PARPBP: variants seen among roughly 807,000 people sequenced by gnomAD.
The protein encoded by PARPBP is PARP1 binding protein, also known as PCNA-interacting partner.
In PARPBP, 52 loss-of-function variants were observed where a neutral mutation model predicts 50.0. That is an observed-to-expected ratio of 1.04 (90% CI 0.83 to 1.31). The LOEUF (loss-of-function observed/expected upper bound fraction) is 1.31. PARPBP is among the 50% of genes most tolerant of loss of function. PARPBP has a pLI of 0.00. For synonymous variants in PARPBP, 244 were observed against 232.1 expected, an observed-to-expected ratio of 1.05 and a Z score of -0.47; for missense variants, 697 against 672.0, an observed-to-expected ratio of 1.04 and a Z score of -0.41.
In PARPBP at chr12:102,175,543, C is replaced by G; in HGVS notation, c.882C>G (p.Ser294Arg). 6.2e-7 allele frequency: 1 copy of G among 1,613,336 alleles called. No homozygotes were observed. The highest frequency in any genetic ancestry group is 8.5e-7 in the Non-Finnish European group (1 of 1,179,348). ...IKMQLIKGQN[S>R]RDPFCKAIEE... ...TGCAACTGATTAAAGGCCAAAACAG[C>G]AGGGATCCTTTTTGCAAAGCAATAG... The change falls in exon 7 of 11, where the codon AGC becomes AGG. Residue 294 changes from serine (S) to arginine (R), a missense_variant. Ser to Arg is a moderately radical substitution (Grantham distance 110). Transcript: ENST00000327680.
At chr12:102,193,548 A>G (rs1290244794) in intron 9 of PARPBP, among the ~76,000 whole-genome samples, 1 of 152,046 alleles carries the variant, frequency 6.6e-6, no homozygotes, top group African/African-American at 2.4e-5. Flanking sequence ...ATAATTCTCT[A>G]TAAGCCATAA....
chr12:102,170,905 CTTTTTTTT>C (rs56390964), intron 6 of PARPBP, among the ~76,000 whole-genome samples: 2 of 113,312 alleles, frequency 1.8e-5, no homozygotes, highest in African/African-American at 6.5e-5. Context: ...TTTAATTTTT[CTTTTTTTT>C]TTTTTTTTTT....
At chr12:102,191,657 C>G (rs945563248) in intron 9 of PARPBP, among the ~76,000 whole-genome samples, 61 of 152,118 alleles carry the variant, frequency 4.0e-4, no homozygotes, top group African/African-American at 1.4e-3. Flanking sequence ...TTTCCTCAAA[C>G]TGGGAACTTA....
intron 2 of PARPBP, among the ~76,000 whole-genome samples, chr12:102,129,270 C>T (rs7971186): frequency 0.095 from 14,398 of 152,158 alleles, 759 homozygotes; most frequent in African/African-American, 0.11. Flanking sequence ...TGTGGGCATA[C>T]GCCACTGCAT....
intron 6 of PARPBP, among the ~76,000 whole-genome samples, chr12:102,174,891 CTT>C (rs1474440680): frequency 6.6e-6 from 1 of 152,216 alleles, no homozygotes; most frequent in Non-Finnish European, 1.5e-5. Flanking sequence ...TCATTACTAA[CTT>C]GCTTAGTTTC....
chr12:102,137,459 G>A (rs868069874), intron 2 of PARPBP, among the ~76,000 whole-genome samples: 1 of 151,906 alleles, frequency 6.6e-6, no homozygotes, highest in South Asian at 2.1e-4. Context: ...TTTTGAGGGG[G>A]AAAATTTTTT....
chr12:102,178,622 G>A lies in PARPBP; in HGVS notation c.1036G>A (p.Ala346Thr). 1 of 1,611,752 alleles carries A rather than the reference G, an allele frequency of 6.2e-7. No individual in the cohort carries two copies. The highest frequency in any genetic ancestry group is 1.3e-5 in the African/African-American group (1 of 74,908). ...ATCTCATGCCATAAACCATGGTACT[G>A]CATACTGTGGCAGAGATACTGTGAA... ...PKSHAINHGT[A>T]YCGRDTVKAL... Residue 346 changes from alanine (A) to threonine (T), a missense_variant, in exon 8 of 11, where the codon GCA becomes ACA. Coordinates refer to ENST00000327680, the MANE Select transcript of PARPBP (RefSeq NM_017915.5).
chr12:102,182,395 T>C (rs1889910610), intron 8 of PARPBP, among the ~76,000 whole-genome samples, 154 bp from the exon 9 acceptor site: 1 of 152,158 alleles, frequency 6.6e-6, no homozygotes, highest in African/African-American at 2.4e-5. Flanking sequence ...TTAATGGTAT[T>C]TTTAATTTAT....
chr12:102,143,305 C>T lies in PARPBP; in HGVS notation c.154-4925C>T, dbSNP rs535057752. On this transcript the variant is annotated intron_variant, in intron 2 of 10. Coordinates refer to ENST00000327680, the MANE Select transcript of PARPBP (RefSeq NM_017915.5). ...TTAGCAAGGAGCAGGATATAATCTG[C>T]TGGTGTGCCGTTTGCTAAGACCATT... 3.3e-5 allele frequency among the ~76,000 whole-genome samples: 5 copies of T among 152,322 alleles called. No individual in the cohort carries two copies. The South Asian group carries it at 8.3e-4, about 25-fold the overall frequency.
rs762337148 is a variant in PARPBP, at chr12:102,197,116, A to G, written c.*825A>G. On this transcript the variant is annotated 3_prime_UTR_variant, in exon 11 of 11. Coordinates refer to ENST00000327680, the MANE Select transcript of PARPBP (RefSeq NM_017915.5). ...TCCTTTTAGTGCAAGATAAGGTTTTATAGCCAGATTCAGTGGCAGACCATG... is the reference window on the plus strand; with the variant it reads ...TCCTTTTAGTGCAAGATAAGGTTTTGTAGCCAGATTCAGTGGCAGACCATG... 5 of 1,612,332 alleles carry G rather than the reference A, an allele frequency of 3.1e-6. No individual in the cohort carries two copies. The South Asian group carries it at 4.4e-5, about 14-fold the overall frequency.
chr12:102,149,948 T>C (rs1402820106), intron 3 of PARPBP, among the ~76,000 whole-genome samples: 2 of 152,250 alleles, frequency 1.3e-5, no homozygotes, highest in African/African-American at 2.4e-5. Context: ...TACTGGATTG[T>C]AGGACAACAA....
intron 9 of PARPBP, among the ~76,000 whole-genome samples, chr12:102,185,285 G>A (rs1011186912): frequency 2.0e-5 from 3 of 152,142 alleles, no homozygotes; most frequent in African/African-American, 7.2e-5. Flanking sequence ...CAGTTGAAAG[G>A]ATCATATGAT....
At chr12:102,129,090 G>A (rs1482704211) in intron 2 of PARPBP, among the ~76,000 whole-genome samples, 2 of 152,050 alleles carry the variant, frequency 1.3e-5, no homozygotes, top group Non-Finnish European at 2.9e-5. Context: ...CAATTTGTGT[G>A]TCTTCTTTTT....
In PARPBP at chr12:102,197,296, A is replaced by G. The variant is rs1891397734; in HGVS notation, c.*1005A>G. 3.4e-6 allele frequency: 3 copies of G among 893,714 alleles called. No homozygotes were observed. The highest frequency in any genetic ancestry group is 5.0e-6 in the Non-Finnish European group (3 of 597,984). The allele number at this position is 893,714 out of a possible 1,614,324, so 55.4% of individuals were successfully genotyped here. A position where few individuals can be genotyped will look rare whatever the true frequency, so the allele number is the denominator to read the frequency against. On this transcript the variant is annotated 3_prime_UTR_variant, in exon 11 of 11. Coordinates refer to ENST00000327680, the MANE Select transcript of PARPBP (RefSeq NM_017915.5). ...GCACTGTTTTTGACTTTTTAAAAAT[A>G]CCTTAGATGCAAATTTATAGGAGAA...
Position 102,175,508 on chromosome 12 carries a change from G to A in PARPBP, c.847G>A (p.Val283Met). Residue 283 changes from valine to methionine, a missense_variant, in exon 7 of 11, where the codon GTG becomes ATG. By Grantham distance (21) the Val-to-Met change is conservative. Transcript: ENST00000327680. ...CATTGCAGGGGGTCAAATACTGTCAGTGATAAAGATGCAACTGATTAAAGG... is the reference window on the plus strand; with the variant it reads ...CATTGCAGGGGGTCAAATACTGTCAATGATAAAGATGCAACTGATTAAAGG... ...PSIAGGQILS[V>M]IKMQLIKGQN... The A allele has an allele frequency of 1.2e-6, 2 of 1,613,350 alleles. No homozygotes were observed. Among genetic ancestry groups the A allele is most frequent in the Non-Finnish European group, 8.5e-7 (1 of 1,179,496 alleles).
intron 2 of PARPBP, among the ~76,000 whole-genome samples, chr12:102,142,476 GTCT>G (rs1159995992): frequency 1.3e-5 from 2 of 152,206 alleles, no homozygotes; most frequent in African/African-American, 4.8e-5. Flanking sequence ...ATCGTCTGAA[GTCT>G]TCTTCTCTCA....
At chr12:102,160,243 C>A (rs1887419484) in intron 4 of PARPBP, among the ~76,000 whole-genome samples, 1 of 152,156 alleles carries the variant, frequency 6.6e-6, no homozygotes, top group Non-Finnish European at 1.5e-5. Context: ...GTGAGGACTC[C>A]AAGATGTTTT....
intron 2 of PARPBP, among the ~76,000 whole-genome samples, chr12:102,124,500 G>A (rs998396166): frequency 1.3e-5 from 2 of 152,156 alleles, no homozygotes; most frequent in South Asian, 2.1e-4. Context: ...CCAAACTAGC[G>A]TTTGGATTTA....
chr12:102,130,950 A>G (rs1026960061), intron 2 of PARPBP, among the ~76,000 whole-genome samples: 1 of 152,262 alleles, frequency 6.6e-6, no homozygotes, highest in Non-Finnish European at 1.5e-5. Flanking sequence ...GCATATGAAA[A>G]AAAGCTCAAC....
Sources: gnomAD v4.1 joint callset for allele counts (sites outside exome capture counted in the v4.1 genomes callset) on GRCh38, gnomAD v4.1.1 for gene constraint, MANE v1.5 for transcripts, NCBI Gene and HGNC (gene_info 2026-07-23, HGNC 2026-07-21) for gene names.